SRGAP1: variants seen among roughly 807,000 people sequenced by gnomAD.
SRGAP1 encodes the protein SLIT-ROBO Rho GTPase-activating protein 1.
In SRGAP1, 43 loss-of-function variants were observed where a neutral mutation model predicts 121.9. That is an observed-to-expected ratio of 0.35 (90% confidence interval 0.28 to 0.46). SRGAP1 has a LOEUF of 0.46. SRGAP1 is among the 20% of genes least tolerant of loss of function. SRGAP1 has a pLI of 1.00. For synonymous variants in SRGAP1, 447 were observed against 485.4 expected (o/e 0.92, Z 1.04); for missense variants, 1,102 against 1,350.9 (o/e 0.82, Z 2.89).
intron 1 of SRGAP1, among the ~76,000 whole-genome samples, chr12:63,934,221 C>T (rs532293008): frequency 1.5e-4 from 23 of 152,132 alleles, no homozygotes; most frequent in Non-Finnish European, 2.9e-4. Context: ...CTCAGAGAGC[C>T]CATCCATTGT....
chr12:64,017,229 ATCTG>A (rs2034427624), intron 4 of SRGAP1, among the ~76,000 whole-genome samples: 1 of 152,232 alleles, frequency 6.6e-6, no homozygotes, highest in Admixed American at 6.5e-5. Flanking sequence ...CTATCTACCT[ATCTG>A]TCTGTCTACG....
chr12:63,928,784 G>A (rs920871596), intron 1 of SRGAP1, among the ~76,000 whole-genome samples: 3 of 152,150 alleles, frequency 2.0e-5, no homozygotes, highest in East Asian at 1.9e-4. Context: ...GGACAGTTCT[G>A]TCTGGGGGTG....
chr12:63,961,354 T>G (rs1016192984), intron 1 of SRGAP1, among the ~76,000 whole-genome samples: 1 of 152,194 alleles, frequency 6.6e-6, no homozygotes, highest in Admixed American at 6.5e-5. Context: ...TCTCCTCACA[T>G]GGAATTCTGG....
chr12:63,871,788 A>G (rs972406434), intron 1 of SRGAP1: 3 of 1,304,964 alleles, frequency 2.3e-6, no homozygotes, highest in Non-Finnish European at 3.3e-6. Context: ...TCCCAGTTCA[A>G]AATGCTTGCA....
intron 1 of SRGAP1, among the ~76,000 whole-genome samples, chr12:63,938,309 G>A (rs2136347007): frequency 6.6e-6 from 1 of 152,268 alleles, no homozygotes; most frequent in South Asian, 2.1e-4. Flanking sequence ...ATTATGCAGG[G>A]ATCTTTAGGA....
intron 1 of SRGAP1, among the ~76,000 whole-genome samples, chr12:63,904,935 C>G (rs990679717): frequency 2.0e-5 from 3 of 152,008 alleles, no homozygotes; most frequent in African/African-American, 7.3e-5. Context: ...CCCTGTCTAA[C>G]AAAACAAAAC....
intron 8 of SRGAP1, among the ~76,000 whole-genome samples, chr12:64,070,843 C>T (rs1194139942): frequency 6.6e-6 from 1 of 152,162 alleles, no homozygotes; most frequent in Non-Finnish European, 1.5e-5. Flanking sequence ...CCCCAAATTT[C>T]TTATAGTACC....
intron 15 of SRGAP1, among the ~76,000 whole-genome samples, chr12:64,100,814 ATGCATTTTTCCTGGATTTTCC>A (rs1191738536): frequency 2.0e-5 from 3 of 152,268 alleles, no homozygotes; most frequent in South Asian, 4.1e-4. Context: ...TGTGACCATA[ATGCATTTTTCCTGGATTTTCC>A]TGCATTTTTC....
intron 1 of SRGAP1, among the ~76,000 whole-genome samples, chr12:63,886,310 CT>C (rs1389271849): frequency 2.0e-5 from 3 of 152,072 alleles, no homozygotes; most frequent in Non-Finnish European, 4.4e-5. Flanking sequence ...GATCCACGCC[CT>C]TTGGCCTCTC....
intron 1 of SRGAP1, among the ~76,000 whole-genome samples, chr12:63,908,590 A>C (rs183285555): frequency 0.011 from 1,614 of 152,266 alleles, 11 homozygotes; most frequent in Non-Finnish European, 0.018. Context: ...GGGTTTCACC[A>C]TGTTGGCCAG....
chr12:63,903,984 T>C (rs2030070565), intron 1 of SRGAP1, among the ~76,000 whole-genome samples: 1 of 152,154 alleles, frequency 6.6e-6, no homozygotes, highest in Admixed American at 6.6e-5. Context: ...TTTTATATAC[T>C]ATATATATGT....
intron 8 of SRGAP1, among the ~76,000 whole-genome samples, chr12:64,078,515 T>C (rs1459609758): frequency 2.0e-5 from 3 of 152,178 alleles, no homozygotes; most frequent in Non-Finnish European, 4.4e-5. Flanking sequence ...GCACAAGCAG[T>C]CTCATAATAT....
chr12:63,989,960 A>G lies in SRGAP1; in HGVS notation c.314A>G (p.Asn105Ser). The change falls in exon 3 of 22, where the codon AAC becomes AGC. Residue 105 changes from asparagine to serine, a missense_variant. Around this residue, in one of 3 missense-constraint regions of SRGAP1, gnomAD observed 747 missense variants for 929.4 expected, o/e 0.80. Transcript: ENST00000355086. ...SPVNCWYLLL[N>S]QVRRESKDHA... The stretch of plus-strand genomic sequence containing the variant: ...GTGAACTGCTGGTATTTGCTCCTGA[A>G]CCAAGTAAGGAGAGAAAGCAAAGAC... 1.2e-6 allele frequency: 2 copies of G among 1,613,806 alleles called. No individual in the cohort carries two copies. Among genetic ancestry groups the G allele is most frequent in the African/African-American group, 1.3e-5 (1 of 75,048 alleles).
chr12:63,958,677 A>G (rs569716467), intron 1 of SRGAP1, among the ~76,000 whole-genome samples: 1 of 152,342 alleles, frequency 6.6e-6, no homozygotes, highest in African/African-American at 2.4e-5. Flanking sequence ...TACTTCAGGC[A>G]AACTCTTAAG....
intron 1 of SRGAP1, among the ~76,000 whole-genome samples, chr12:63,858,607 G>C (rs1565923440): frequency 6.6e-6 from 1 of 152,084 alleles, no homozygotes; most frequent in African/African-American, 2.4e-5. Flanking sequence ...TAGTTTCCTT[G>C]TATGAATAAT....
intron 4 of SRGAP1, among the ~76,000 whole-genome samples, chr12:64,022,255 C>T (rs1448699462): frequency 6.6e-6 from 1 of 152,108 alleles, no homozygotes; most frequent in Non-Finnish European, 1.5e-5. Flanking sequence ...AGTGAGCAAG[C>T]TGGAGATCCA....
At chr12:63,950,948 T>G (rs1210173666) in intron 1 of SRGAP1, among the ~76,000 whole-genome samples, 1 of 151,390 alleles carries the variant, frequency 6.6e-6, no homozygotes, top group Non-Finnish European at 1.5e-5. Context: ...TTAACAATTT[T>G]CTACTTGTTG....
chr12:63,903,262 G>T (rs898203651), intron 1 of SRGAP1, among the ~76,000 whole-genome samples: 3 of 152,120 alleles, frequency 2.0e-5, no homozygotes, highest in Non-Finnish European at 1.5e-5. Flanking sequence ...CACCAGGCTG[G>T]TGTGCAGTGG....
intron 1 of SRGAP1, among the ~76,000 whole-genome samples, chr12:63,945,008 A>G (rs2031997218): frequency 1.3e-5 from 2 of 152,186 alleles, no homozygotes; most frequent in South Asian, 2.1e-4. Flanking sequence ...CATGAAATCC[A>G]ATTATTCAGG....
Sources: allele counts gnomAD v4.1 joint callset (sites outside exome capture counted in the v4.1 genomes callset), GRCh38; gene constraint gnomAD v4.1.1; regional missense constraint gnomAD v4.1.1; transcripts MANE v1.5; gene names NCBI Gene and HGNC (gene_info 2026-07-23, HGNC 2026-07-21).